UTP23: variants seen among roughly 807,000 people sequenced by gnomAD.
UTP23 encodes rRNA-processing protein UTP23 homolog.
In UTP23, 10 loss-of-function variants were observed where a neutral mutation model predicts 19.8. The ratio of observed to expected loss-of-function variants is 0.50; its 90% confidence interval spans 0.31 to 0.86. The LOEUF (loss-of-function observed/expected upper bound fraction) is 0.86, where lower values mean the gene tolerates loss of function less well. UTP23 is among the 40% of genes least tolerant of loss of function. UTP23 has a pLI of 0.05. For synonymous variants in UTP23, 108 were observed against 105.4 expected (o/e 1.02, Z -0.15); for missense variants, 282 against 293.1 (o/e 0.96, Z 0.28).
chr8:116,770,836 C>T (rs550589717), intron 2 of UTP23: 62 of 153,570 alleles, frequency 4.0e-4, no homozygotes, highest in Non-Finnish European at 7.7e-4. Flanking sequence ...ATAAGTAGAG[C>T]AAAGTGCCTG....
Position 116,771,991 on chromosome 8 carries a change from T to A in UTP23, c.*149T>A. On this transcript the variant is annotated 3_prime_UTR_variant, in exon 3 of 3. Transcript: ENST00000309822. ...TATAAAATAAAAACAGTGACCAGTC[T>A]AGCCAGCATGGCAAAACCCCATCTC... 1.5e-6 allele frequency: 2 copies of A among 1,359,700 alleles called. No homozygotes were observed. The highest frequency in any genetic ancestry group is 9.4e-7 in the Non-Finnish European group (1 of 1,063,066). The allele number at this position is 1,359,700 out of a possible 1,614,324, so 84.2% of individuals were successfully genotyped here.
chr8:116,767,152 A>T (rs904322053), intron 1 of UTP23, among the ~76,000 whole-genome samples: 8 of 152,218 alleles, frequency 5.3e-5, no homozygotes, highest in African/African-American at 1.7e-4. Context: ...ACTGCTTAGA[A>T]GATTGCTGTA....
chr8:116,766,740 G>T lies in UTP23; in HGVS notation c.137G>T (p.Arg46Leu). The T allele has an allele frequency of 6.2e-7, 1 of 1,601,740 alleles. No individual in the cohort carries two copies. Among genetic ancestry groups the T allele is most frequent in the Non-Finnish European group, 8.5e-7 (1 of 1,174,092 alleles). ...GCGCTGCGGGGCCGCATCCAGCTGC[G>T]GGAGCAGCTGCCCCGCTACCTCATG... ...QAALRGRIQL[R>L]EQLPRYLMGE... Residue 46 changes from arginine to leucine, a missense_variant, in exon 1 of 3, where the codon CGG (arginine) becomes CTG (leucine). Arg to Leu is a moderately radical substitution (Grantham distance 102). Coordinates refer to ENST00000309822, the MANE Select transcript of UTP23 (RefSeq NM_032334.3).
chr8:116,770,329 A>T lies in UTP23; in HGVS notation c.326A>T (p.Glu109Val). Reference protein sequence around the residue: ...SGSECLLSMVEEGNPHHYFVA... With the variant: ...SGSECLLSMVVEGNPHHYFVA... ...TCAGAATGTCTGCTTTCCATGGTTG[A>T]AGAGGGAAATCCTCATCATTATTTT... Residue 109 changes from glutamate (E) to valine (V), a missense_variant, in exon 2 of 3, where the codon GAA becomes GTA. Glu to Val is a moderately radical substitution (Grantham distance 121, BLOSUM62 -2). Transcript: ENST00000309822. The T allele has an allele frequency of 6.2e-7, 1 of 1,613,662 alleles. No homozygotes were observed. The highest frequency in any genetic ancestry group is 1.1e-5 in the South Asian group (1 of 91,054).
At chr8:116,771,209 T>A (rs1052043384) in intron 2 of UTP23, among the ~76,000 whole-genome samples, 10 of 152,202 alleles carry the variant, frequency 6.6e-5, no homozygotes, top group African/African-American at 2.2e-4. Flanking sequence ...TGCATTAGTT[T>A]GTAATTTGTG....
Position 116,773,115 on chromosome 8 carries a change from G to A in UTP23, c.*1273G>A, listed in dbSNP as rs144958409. 106 of 985,414 alleles carry A rather than the reference G, an allele frequency of 1.1e-4. No homozygotes were observed. In the African/African-American group the frequency reaches 1.7e-3, roughly 16 times the overall value. The allele number at this position is 985,414 out of a possible 1,614,324, so 61.0% of individuals were successfully genotyped here. Reference sequence around the variant, plus strand: ...GTTGGAATTATAGCTTTACACCAAGGAGTGACACGTAGACTAATCTGGCAA... The same window carrying A: ...GTTGGAATTATAGCTTTACACCAAGAAGTGACACGTAGACTAATCTGGCAA... On this transcript the variant is annotated 3_prime_UTR_variant, in exon 3 of 3. Transcript: ENST00000309822.
At position 116,771,509 on chromosome 8, in the gene UTP23, T is replaced by A; in HGVS notation, c.417T>A (p.Phe139Leu). The part of the protein sequence containing the change: ...VKKKPGVPLM[F>L]IIQNTMVLDK... ...AGAAGCCTGGAGTTCCTCTCATGTT[T>A]ATTATTCAGAACACTATGGTTTTGG... The change falls in exon 3 of 3, where the codon TTT (phenylalanine) becomes TTA (leucine). Residue 139 changes from phenylalanine (F) to leucine (L), a missense_variant. Phe to Leu is a conservative substitution (Grantham distance 22, BLOSUM62 0). Coordinates refer to ENST00000309822, the MANE Select transcript of UTP23 (RefSeq NM_032334.3). The A allele has an allele frequency of 1.3e-6, 2 of 1,560,032 alleles. No individual in the cohort carries two copies. The highest frequency in any genetic ancestry group is 1.7e-6 in the Non-Finnish European group (2 of 1,160,842).
At chr8:116,768,758 G>A (rs1371036276) in intron 1 of UTP23, among the ~76,000 whole-genome samples, 3 of 152,100 alleles carry the variant, frequency 2.0e-5, no homozygotes, top group South Asian at 2.1e-4. Context: ...TCCGCCTCCC[G>A]GGTTCAAGTG....
At chr8:116,771,375 T>C in intron 2 of UTP23, 81 bp from the exon 3 acceptor site, 3 of 1,202,562 alleles carry the variant, frequency 2.5e-6, no homozygotes, top group South Asian at 5.4e-5. Flanking sequence ...ATCTCTTTTA[T>C]TTTTAATACA....
At chr8:116,769,307 G>A (rs949333798) in intron 1 of UTP23, among the ~76,000 whole-genome samples, 1 of 152,156 alleles carries the variant, frequency 6.6e-6, no homozygotes, top group Non-Finnish European at 1.5e-5. Flanking sequence ...GGAACCCAAG[G>A]GTTCTCCAAA....
chr8:116,767,090 T>G (rs775428604), intron 1 of UTP23, among the ~76,000 whole-genome samples: 6 of 152,172 alleles, frequency 3.9e-5, no homozygotes, highest in Non-Finnish European at 7.4e-5. Flanking sequence ...TTCTGTCAAG[T>G]TATTTAGCCT....
In UTP23 at chr8:116,770,372, A is replaced by C; in HGVS notation, c.363+6A>C. On this transcript the variant is annotated splice_donor_region_variant and intron_variant, in intron 2 of 2. Transcript: ENST00000309822. ...ATTATTTTGTGGCAACACAGGTGAT[A>C]CTACTTTTAAAACCACAGGCAATTT... 1 of 1,596,784 alleles carries C rather than the reference A, an allele frequency of 6.3e-7. No homozygotes were observed.
Position 116,774,599 on chromosome 8 carries a change from A to G in UTP23, c.*2757A>G. Reference sequence around the variant, plus strand: ...TAGTCTATATATTCTATATAAGAATATATTCCAATAAGAATATATTCCATA... The same window carrying G: ...TAGTCTATATATTCTATATAAGAATGTATTCCAATAAGAATATATTCCATA... On this transcript the variant is annotated 3_prime_UTR_variant, in exon 3 of 3. Transcript: ENST00000309822. The G allele has an allele frequency of 1.5e-6, 1 of 680,118 alleles. No homozygotes were observed. Among genetic ancestry groups the G allele is most frequent in the South Asian group, 6.7e-5 (1 of 14,894 alleles). 42.1% of individuals were successfully genotyped at this position (680,118 alleles called of 1,614,324 possible).
Position 116,766,648 on chromosome 8 carries a change from C to T in UTP23, c.45C>T (p.Phe15=), listed in dbSNP as rs1401499253. 1 of 1,613,702 alleles carries T rather than the reference C, an allele frequency of 6.2e-7. No homozygotes were observed. The highest frequency in any genetic ancestry group is 8.5e-7 in the Non-Finnish European group (1 of 1,179,836). ...RQKHAKKHLG[F]FRNNFGVREP... is the part of the protein sequence containing the mutation. Reference sequence around the variant, plus strand: ...AACATGCCAAGAAGCATCTTGGCTTCTTCCGCAACAACTTCGGAGTCCGCG... The same window carrying T: ...AACATGCCAAGAAGCATCTTGGCTTTTTCCGCAACAACTTCGGAGTCCGCG... Residue 15 remains phenylalanine (F), a synonymous_variant, in exon 1 of 3, where the codon TTC becomes TTT. Coordinates refer to ENST00000309822, the MANE Select transcript of UTP23 (RefSeq NM_032334.3).
Position 116,773,477 on chromosome 8 carries a change from C to T in UTP23, c.*1635C>T. The T allele has an allele frequency of 1.0e-6, 1 of 983,914 alleles. No homozygotes were observed. Among genetic ancestry groups the T allele is most frequent in the South Asian group, 4.7e-5 (1 of 21,254 alleles). The allele number at this position is 983,914 out of a possible 1,614,324, so 60.9% of individuals were successfully genotyped here. On this transcript the variant is annotated 3_prime_UTR_variant, in exon 3 of 3. Coordinates refer to ENST00000309822, the MANE Select transcript of UTP23 (RefSeq NM_032334.3). ...TGGAAAAATCCACTTTTTTATGAAG[C>T]AGTAATTATAGAAGTACTAAAAATT...
chr8:116,767,047 G>T, intron 1 of UTP23: 2 of 410,818 alleles, frequency 4.9e-6, no homozygotes, highest in African/African-American at 2.1e-5. Context: ...ATCCGACTTC[G>T]AATCTTGATC....
At position 116,766,536 on chromosome 8, in the gene UTP23, A is replaced by T. The variant is rs896422492; in HGVS notation, c.-68A>T. On this transcript the variant is annotated 5_prime_UTR_variant, in exon 1 of 3. Transcript: ENST00000309822. ...TCCGGGTGAAACTGGCATTGAGGGT[A>T]CTGGGGCGTGCGTGAGGCGTTTACT... The T allele has an allele frequency of 2.2e-5, 34 of 1,535,038 alleles. No individual in the cohort carries two copies. The African/African-American group carries it at 4.1e-4, about 19-fold the overall frequency.
In UTP23 at chr8:116,772,796, G is replaced by A. The variant is rs1362933743; in HGVS notation, c.*954G>A. The stretch of plus-strand genomic sequence containing the variant: ...TCAATTCAGTTAGGAATTGAATAAT[G>A]AAACGTGTCTCTCTGAATTCCCCCG... On this transcript the variant is annotated 3_prime_UTR_variant, in exon 3 of 3. Coordinates refer to ENST00000309822, the MANE Select transcript of UTP23 (RefSeq NM_032334.3). 9 of 985,296 alleles carry A rather than the reference G, an allele frequency of 9.1e-6. No homozygotes were observed. The highest frequency in any genetic ancestry group is 1.1e-5 in the Non-Finnish European group (9 of 829,922). The allele number at this position is 985,296 out of a possible 1,614,324, so 61.0% of individuals were successfully genotyped here. A position where few individuals can be genotyped will look rare whatever the true frequency, so the allele number is the denominator to read the frequency against.
rs1217853730 is a variant in UTP23, at chr8:116,771,764, G to C, written c.672G>C (p.Lys224Asn). Residue 224 changes from lysine (K) to asparagine (N), a missense_variant, in exon 3 of 3, where the codon AAG becomes AAC. Physicochemically the swap from Lys to Asn is moderately conservative, Grantham distance 94. Transcript: ENST00000309822. ...ACACACAATCATCTGCTTCTGAAAA[G>C]AAAAGAAAAAGAAAAAGAATTCGGA... ...APDTQSSASE[K>N]KRKRKRIRNR... 6.2e-6 allele frequency: 10 copies of C among 1,607,282 alleles called. No individual in the cohort carries two copies. The highest frequency in any genetic ancestry group is 1.4e-5 in the African/African-American group (1 of 73,916).
Sources: gnomAD v4.1 joint callset for allele counts (sites outside exome capture counted in the v4.1 genomes callset) on GRCh38, gnomAD v4.1.1 for gene constraint, MANE v1.5 for transcripts, NCBI Gene and HGNC (gene_info 2026-07-23, HGNC 2026-07-21) for gene names.